Variants in LRP6 observed in about 807,000 individuals in gnomAD.
The protein encoded by LRP6 is LDL receptor related protein 6.
A neutral mutation model predicts 184.1 loss-of-function variants in LRP6; 43 were observed. The ratio of observed to expected loss-of-function variants is 0.23; its 90% CI spans 0.18 to 0.30. The LOEUF (loss-of-function observed/expected upper bound fraction) is 0.30, where lower values mean the gene tolerates loss of function less well. LRP6 is among the 10% of genes least tolerant of loss of function. LRP6 has a pLI of 1.00. For synonymous variants in LRP6, 719 were observed against 684.9 expected, an observed-to-expected ratio of 1.05 and a Z score of -0.78; for missense variants, 1,571 against 2,005.3, an observed-to-expected ratio of 0.78 and a Z score of 4.14.
chr12:12,169,921 G>T lies in LRP6; in HGVS notation c.1546-4626C>A, dbSNP rs183533597. 4.6e-5 allele frequency among the ~76,000 whole-genome samples: 7 copies of T among 152,126 alleles called. No individual in the cohort carries two copies. The East Asian group carries it at 9.7e-4, about 21-fold the overall frequency. ...TTCCTGATCTCCTTGTTCTCATCTG[G>T]TGTAGTTTTTACAATAGGTTTGGAT... On this transcript the variant is annotated intron_variant, in intron 7 of 22. Transcript: ENST00000261349.
At chr12:12,162,717 T>C (rs1862769043) in intron 9 of LRP6, among the ~76,000 whole-genome samples, 1 of 152,192 alleles carries the variant, frequency 6.6e-6, no homozygotes, top group African/African-American at 2.4e-5. Context: ...AGTAATCAAG[T>C]GGAAAAGCTG....
chr12:12,135,336 G>C lies in LRP6; in HGVS notation c.3608-36C>G, dbSNP rs374884939. 4.0e-6 allele frequency: 6 copies of C among 1,487,468 alleles called. No individual in the cohort carries two copies. In the South Asian group the frequency reaches 5.7e-5, roughly 14 times the overall value. The allele number at this position is 1,487,468 out of a possible 1,614,324, so 92.1% of individuals were successfully genotyped here. A position where few individuals can be genotyped will look rare whatever the true frequency, so the allele number is the denominator to read the frequency against. The stretch of plus-strand genomic sequence containing the variant: ...AAGAGGTGAGGATGGGGAGAGGAGG[G>C]GGAGTGGAGGGGGAGAGAAGTGGGA... On this transcript the variant is annotated intron_variant, in intron 16 of 22. Coordinates refer to ENST00000261349, the MANE Select transcript of LRP6 (RefSeq NM_002336.3).
chr12:12,134,138 C>T (rs1220593642), intron 17 of LRP6, among the ~76,000 whole-genome samples: 1 of 152,126 alleles, frequency 6.6e-6, no homozygotes, highest in Non-Finnish European at 1.5e-5. Flanking sequence ...ATAAAATTTA[C>T]TTGTAATCCC....
chr12:12,257,633 AAAAG>A (rs1217614328), intron 1 of LRP6, among the ~76,000 whole-genome samples: 6 of 150,292 alleles, frequency 4.0e-5, no homozygotes, highest in Non-Finnish European at 7.4e-5. Context: ...TGAAAAAAAA[AAAAG>A]AAAGAAAGAA....
intron 3 of LRP6, among the ~76,000 whole-genome samples, chr12:12,198,267 T>C (rs1382930572): frequency 6.6e-6 from 1 of 152,172 alleles, no homozygotes; most frequent in African/African-American, 2.4e-5. Context: ...AGTTGTTCTA[T>C]TCCCTTGCTT....
At chr12:12,180,240 CTTTTTTTTT>C (rs35341305) in intron 6 of LRP6, among the ~76,000 whole-genome samples, 3 of 126,134 alleles carry the variant, frequency 2.4e-5, no homozygotes, top group East Asian at 2.3e-4. Flanking sequence ...AGTTTTACTT[CTTTTTTTTT>C]TTTTTTTTTT....
At chr12:12,208,857 A>C (rs1262269382) in intron 2 of LRP6, among the ~76,000 whole-genome samples, 1 of 152,160 alleles carries the variant, frequency 6.6e-6, no homozygotes, top group Non-Finnish European at 1.5e-5. Flanking sequence ...TAATATATGA[A>C]CTAGATTTCT....
intron 19 of LRP6, among the ~76,000 whole-genome samples, chr12:12,129,327 C>A (rs1346057971): frequency 6.6e-6 from 1 of 152,126 alleles, no homozygotes; most frequent in Middle Eastern, 3.2e-3. Context: ...ATTGTCTAGG[C>A]TCTTTAGAAG....
intron 1 of LRP6, among the ~76,000 whole-genome samples, chr12:12,245,942 C>T (rs554530276): frequency 1.3e-5 from 2 of 151,214 alleles, no homozygotes; most frequent in Non-Finnish European, 2.9e-5. Context: ...AGCTATGGAG[C>T]GCTTAAAATG....
At chr12:12,196,886 A>G (rs1038557876) in intron 3 of LRP6, among the ~76,000 whole-genome samples, 2 of 152,150 alleles carry the variant, frequency 1.3e-5, no homozygotes, top group Admixed American at 6.5e-5. Flanking sequence ...GTTAGTAGCC[A>G]TCGACGCTCA....
chr12:12,244,419 C>G lies in LRP6; in HGVS notation c.292G>C (p.Asp98His), dbSNP rs775730207. 1.2e-6 allele frequency: 2 copies of G among 1,614,168 alleles called. No individual in the cohort carries two copies. The highest frequency in any genetic ancestry group is 8.5e-7 in the Non-Finnish European group (1 of 1,180,032). The change falls in exon 2 of 23, where the codon GAT becomes CAT. Residue 98 changes from aspartate (D) to histidine (H), a missense_variant. Asp to His is a moderately conservative substitution (Grantham distance 81). Coordinates refer to ENST00000261349, the MANE Select transcript of LRP6 (RefSeq NM_002336.3). ...CCAAGCCAATCACATGCCAGCCCAT[C>G]GGGGGACAATAATCCAGAAACAACA... is the stretch of plus-strand genomic sequence containing the variant. ...NVVVSGLLSP[D>H]GLACDWLGEK...
chr12:12,163,680 T>C (rs1862798160), intron 9 of LRP6, among the ~76,000 whole-genome samples: 1 of 152,204 alleles, frequency 6.6e-6, no homozygotes, highest in African/African-American at 2.4e-5. Context: ...GAAGCACACA[T>C]TTCCTTACTC....
rs1333255892 is a variant in LRP6, at chr12:12,121,352, C to T, written c.4616G>A (p.Ser1539Asn). ...CATTCTCCGACTAGGAGCATAGTCACTGTCACAAACATCTGTGCTGCAGGG... is the reference window on the plus strand; with the variant it reads ...CATTCTCCGACTAGGAGCATAGTCATTGTCACAAACATCTGTGCTGCAGGG... ...TTPCSTDVCD[S>N]DYAPSRRMTS... is the part of the protein sequence containing the mutation. The change falls in exon 23 of 23, where the codon AGT (serine) becomes AAT (asparagine). Residue 1539 changes from serine to asparagine, a missense_variant. By Grantham distance (46) the Ser-to-Asn change is conservative (BLOSUM62 1). Coordinates refer to ENST00000261349, the MANE Select transcript of LRP6 (RefSeq NM_002336.3). 2 of 1,614,014 alleles carry T rather than the reference C, an allele frequency of 1.2e-6. No homozygotes were observed. The highest frequency in any genetic ancestry group is 1.7e-6 in the Non-Finnish European group (2 of 1,180,040).
At chr12:12,165,031 T>G in intron 8 of LRP6, 48 bp downstream of exon 8, 1 of 1,491,768 alleles carries the variant, frequency 6.7e-7, no homozygotes, top group Non-Finnish European at 9.3e-7. Context: ...ATCTCCATCT[T>G]TTTTCATTCC....
In LRP6 at chr12:12,203,356, C is replaced by T. The variant is rs745487990; in HGVS notation, c.494G>A (p.Arg165His). 3 of 1,613,952 alleles carry T rather than the reference C, an allele frequency of 1.9e-6. No individual in the cohort carries two copies. Among genetic ancestry groups the T allele is most frequent in the Admixed American group, 1.7e-5 (1 of 60,000 alleles). ...TDWGEVPKIE[R>H]AGMDGSSRFI... ...GCGACTTGAACCATCCATTCCAGCA[C>T]GTTCTATCTTTGGCACTTCTCCCCA... The change falls in exon 3 of 23, where the codon CGT (arginine) becomes CAT (histidine). Residue 165 changes from arginine to histidine, a missense_variant. Physicochemically the swap from Arg to His is conservative, Grantham distance 29 (BLOSUM62 0). This residue lies in a region of LRP6 where 640 missense variants were observed against 851.9 expected (regional missense o/e 0.75). Transcript: ENST00000261349.
intron 12 of LRP6, among the ~76,000 whole-genome samples, chr12:12,157,689 G>A (rs1862626056): frequency 6.6e-6 from 1 of 152,114 alleles, no homozygotes; most frequent in Non-Finnish European, 1.5e-5. Context: ...ACAAAAGAAA[G>A]TCATGTCAAT....
At chr12:12,126,641 A>T in intron 20 of LRP6, 50 bp downstream of exon 20, 1 of 1,382,290 alleles carries the variant, frequency 7.2e-7, no homozygotes, top group Non-Finnish European at 1.0e-6. Context: ...GGAAACTGGC[A>T]GTCTTGCAGG....
intron 2 of LRP6, among the ~76,000 whole-genome samples, chr12:12,205,555 G>C (rs1318609542): frequency 6.6e-6 from 1 of 151,898 alleles, no homozygotes; most frequent in Non-Finnish European, 1.5e-5. Flanking sequence ...ATCATGTAGG[G>C]GAATAAATAC....
intron 2 of LRP6, among the ~76,000 whole-genome samples, chr12:12,217,954 T>C (rs1161099559): frequency 2.0e-5 from 3 of 152,040 alleles, no homozygotes; most frequent in Non-Finnish European, 4.4e-5. Flanking sequence ...ATATTCATGA[T>C]CCAGAATTAA....
Sources: gnomAD v4.1 joint callset for allele counts (sites outside exome capture counted in the v4.1 genomes callset) on GRCh38, gnomAD v4.1.1 for gene constraint, gnomAD v4.1.1 regional missense constraint, MANE v1.5 for transcripts, NCBI Gene and HGNC (gene_info 2026-07-23, HGNC 2026-07-21) for gene names.